Variants in PLEKHA6 observed in about 807,000 individuals in gnomAD.
The protein encoded by PLEKHA6 is pleckstrin homology domain containing A6.
A neutral mutation model predicts 116.7 loss-of-function variants in PLEKHA6; 60 were observed. The observed-to-expected ratio is 0.51, with a 90% CI of 0.42 to 0.64. PLEKHA6 has a LOEUF of 0.64. Among genes scored for constraint, PLEKHA6 ranks in the 30% least tolerant of loss-of-function variants. The pLI, the probability that PLEKHA6 is intolerant of heterozygous loss-of-function variation, is 0.00. For synonymous variants in PLEKHA6, 489 were observed against 556.1 expected (o/e 0.88, Z 1.70); for missense variants, 1,338 against 1,422.7 (o/e 0.94, Z 0.96).
At chr1:204,318,888 C>T (rs1671957403) in intron 1 of PLEKHA6, among the ~76,000 whole-genome samples, 1 of 152,178 alleles carries the variant, frequency 6.6e-6, no homozygotes, top group Non-Finnish European at 1.5e-5. Flanking sequence ...TATTCTCTGA[C>T]TTGCCAGAGG....
At chr1:204,334,674 G>A (rs1672578909) in intron 1 of PLEKHA6, among the ~76,000 whole-genome samples, 1 of 152,118 alleles carries the variant, frequency 6.6e-6, no homozygotes, top group South Asian at 2.1e-4. Context: ...CAGGGTGGGT[G>A]GATCACTTGA....
chr1:204,264,992 C>T lies in PLEKHA6; in HGVS notation c.331G>A (p.Val111Ile). ...TTGTCTGAGGGCTGCACTGCGGCTACCCGGAAGCTCAGGAGGGGGATGCTG... is the reference window on the plus strand; with the variant it reads ...TTGTCTGAGGGCTGCACTGCGGCTATCCGGAAGCTCAGGAGGGGGATGCTG... ...LGSIPLLSFRVAAVQPSDNIS... is the reference protein window; with the variant it reads ...LGSIPLLSFRIAAVQPSDNIS... The change falls in exon 6 of 23, where the codon GTA becomes ATA. Residue 111 changes from valine (V) to isoleucine (I), a missense_variant. Val to Ile is a conservative substitution (Grantham distance 29). This residue lies in a region of PLEKHA6 where 140 missense variants were observed against 197.4 expected (regional missense o/e 0.71). Transcript: ENST00000272203. 6.2e-7 allele frequency: 1 copy of T among 1,614,150 alleles called. No individual in the cohort carries two copies. Among genetic ancestry groups the T allele is most frequent in the Non-Finnish European group, 8.5e-7 (1 of 1,179,994 alleles).
chr1:204,249,185 T>G lies in PLEKHA6; in HGVS notation c.1673A>C (p.Lys558Thr). ...DRLVQQLRAEKESLESALMGT... is the reference protein window; with the variant it reads ...DRLVQQLRAETESLESALMGT... Reference sequence around the variant, plus strand: ...TTAAAGCCACCCCCAGCTTCTCACCTTCTCAGCTCGGAGCTGCTGCACCAG... The same window carrying G: ...TTAAAGCCACCCCCAGCTTCTCACCGTCTCAGCTCGGAGCTGCTGCACCAG... The change falls in exon 11 of 23, where the codon AAG becomes ACG. Residue 558 changes from lysine to threonine, a missense_variant and splice_region_variant. Physicochemically the swap from Lys to Thr is moderately conservative, Grantham distance 78 (BLOSUM62 -1). This residue lies in a region of PLEKHA6 where 1,136 missense variants were observed against 1,163.6 expected (regional missense o/e 0.98). Coordinates refer to ENST00000272203, the MANE Select transcript of PLEKHA6 (RefSeq NM_014935.5). 1 of 1,611,584 alleles carries G rather than the reference T, an allele frequency of 6.2e-7. No individual in the cohort carries two copies. The highest frequency in any genetic ancestry group is 8.5e-7 in the Non-Finnish European group (1 of 1,178,200).
chr1:204,319,537 C>T (rs1472392388), intron 1 of PLEKHA6, among the ~76,000 whole-genome samples: 2 of 152,160 alleles, frequency 1.3e-5, no homozygotes, highest in Non-Finnish European at 2.9e-5. Flanking sequence ...CTAGTAGGCA[C>T]TTCTAGTCCC....
At chr1:204,282,549 C>T (rs1488328523) in intron 1 of PLEKHA6, 1 of 702,434 alleles carries the variant, frequency 1.4e-6, no homozygotes, top group African/African-American at 1.9e-5. Context: ...ATGCCTGGCA[C>T]CACAGGGCCC....
At chr1:204,324,930 A>T (rs4491115) in intron 1 of PLEKHA6, among the ~76,000 whole-genome samples, 44,250 of 150,654 alleles carry the variant, frequency 0.29, 6,606 homozygotes, top group African/African-American at 0.35. Flanking sequence ...TTATTTATTT[A>T]TTTTTGAGAT....
At chr1:204,308,342 C>T (rs1030158691) in intron 1 of PLEKHA6, among the ~76,000 whole-genome samples, 8 of 152,090 alleles carry the variant, frequency 5.3e-5, no homozygotes, top group Non-Finnish European at 7.4e-5. Flanking sequence ...GCCAGGGGTT[C>T]GAGGCTGCAG....
chr1:204,348,347 G>A (rs1264818800), intron 1 of PLEKHA6, among the ~76,000 whole-genome samples: 2 of 152,152 alleles, frequency 1.3e-5, no homozygotes, highest in African/African-American at 2.4e-5. Flanking sequence ...AGGTTGGGCA[G>A]CTTGAAGCTG....
At chr1:204,262,555 G>A (rs1433958669) in intron 6 of PLEKHA6, among the ~76,000 whole-genome samples, 4 of 152,090 alleles carry the variant, frequency 2.6e-5, no homozygotes. Context: ...CCTCACTCCA[G>A]CCTCTGACCC....
intron 1 of PLEKHA6, chr1:204,325,954 CA>C: frequency 2.0e-6 from 2 of 979,226 alleles, no homozygotes; most frequent in Non-Finnish European, 2.4e-6. Flanking sequence ...GGGCTGAACA[CA>C]AAAGGGGCAG....
chr1:204,320,339 G>T, intron 1 of PLEKHA6: 2 of 205,092 alleles, frequency 9.8e-6, no homozygotes, highest in African/African-American at 2.4e-5. Context: ...AGCATGGGGG[G>T]TGCTTCTTAG....
intron 2 of PLEKHA6, chr1:204,368,003 C>A (rs755561800): frequency 1.3e-5 from 2 of 152,274 alleles, no homozygotes; most frequent in South Asian, 2.1e-4. Flanking sequence ...TCAAACCAAC[C>A]ATTCCATCCT....
At chr1:204,254,951 T>C (rs1665078712) in intron 9 of PLEKHA6, among the ~76,000 whole-genome samples, 1 of 152,146 alleles carries the variant, frequency 6.6e-6, no homozygotes, top group Non-Finnish European at 1.5e-5. Context: ...AAGAAAGGGT[T>C]AGAACCCCGG....
intron 1 of PLEKHA6, chr1:204,297,174 A>T (rs779264383): frequency 2.1e-5 from 21 of 982,762 alleles, no homozygotes; most frequent in Non-Finnish European, 2.5e-5. Context: ...TCCTAGAAAG[A>T]AAAATCTCCT....
At chr1:204,364,423 C>T (rs970571205), upstream of PLEKHA6, among the ~76,000 whole-genome samples, 1 of 152,220 alleles carries the variant, frequency 6.6e-6, no homozygotes, top group Non-Finnish European at 1.5e-5. Context: ...TTCCCGCTTG[C>T]TTTCTATTAA....
rs1367275912 is a variant in PLEKHA6 at position 204,267,554 on chromosome 1, G to A, written c.208-7C>T. ...GCTTAACCCCGGAGCTGGCCTGCGG[G>A]ACATGGGAGAGGCAGATGTGAGGGC... is the stretch of plus-strand genomic sequence containing the variant. On this transcript the variant is annotated splice_region_variant and splice_polypyrimidine_tract_variant and intron_variant, in intron 4 of 22. Transcript: ENST00000272203. The A allele has an allele frequency of 3.7e-6, 6 of 1,613,616 alleles. No homozygotes were observed. The highest frequency in any genetic ancestry group is 4.2e-6 in the Non-Finnish European group (5 of 1,179,668).
intron 10 of PLEKHA6, 84 bp from the exon 11 acceptor site, chr1:204,249,348 C>T (rs949966574): frequency 3.0e-6 from 3 of 1,003,136 alleles, no homozygotes; most frequent in Non-Finnish European, 4.7e-6. Context: ...AGTTATAGGC[C>T]TGGCCTCTGG....
intron 1 of PLEKHA6, among the ~76,000 whole-genome samples, chr1:204,312,669 A>G (rs1671697494): frequency 1.3e-5 from 2 of 152,144 alleles, no homozygotes; most frequent in African/African-American, 2.4e-5. Flanking sequence ...CTCTTTACCC[A>G]TATCCCAACA....
intron 1 of PLEKHA6, among the ~76,000 whole-genome samples, chr1:204,312,291 T>C (rs1182902087): frequency 3.3e-5 from 5 of 152,182 alleles, no homozygotes; most frequent in Non-Finnish European, 7.4e-5. Context: ...ATCAGAAGCA[T>C]GGGAGAGATA....
Sources: allele counts gnomAD v4.1 joint callset (sites outside exome capture counted in the v4.1 genomes callset), GRCh38; gene constraint gnomAD v4.1.1; regional missense constraint gnomAD v4.1.1; transcripts MANE v1.5; gene names NCBI Gene and HGNC (gene_info 2026-07-23, HGNC 2026-07-21).